The following SLC14A2 variants were observed in gnomAD, a reference collection of about 807,000 sequenced individuals.
SLC14A2 encodes the protein urea transporter 2.
In SLC14A2, 91 loss-of-function variants were observed where a neutral mutation model predicts 104.6. The ratio of observed to expected loss-of-function variants is 0.87; its 90% CI spans 0.73 to 1.04. The LOEUF (loss-of-function observed/expected upper bound fraction) is 1.04, where lower values mean the gene tolerates loss of function less well. Among genes scored for constraint, SLC14A2 ranks in the 50% least tolerant of loss-of-function variants. SLC14A2 has a pLI of 0.00. For synonymous variants in SLC14A2, 476 were observed against 466.4 expected (o/e 1.02, Z -0.27); for missense variants, 1,189 against 1,156.0 (o/e 1.03, Z -0.41).
At chr18:45,443,039 G>A (rs992590602) in intron 1 of SLC14A2, among the ~76,000 whole-genome samples, 15 of 152,178 alleles carry the variant, frequency 9.9e-5, no homozygotes, top group Admixed American at 7.9e-4. Flanking sequence ...ATTTGGGAAA[G>A]TCTCCTTGCT....
intron 2 of SLC14A2, among the ~76,000 whole-genome samples, chr18:45,591,083 T>G (rs1175807809): frequency 6.6e-6 from 1 of 152,046 alleles, no homozygotes; most frequent in Non-Finnish European, 1.5e-5. Context: ...ATACCACATG[T>G]CAGTCACTGA....
At chr18:45,537,429 T>C (rs2043810769) in intron 2 of SLC14A2, among the ~76,000 whole-genome samples, 1 of 151,920 alleles carries the variant, frequency 6.6e-6, no homozygotes, top group African/African-American at 2.4e-5. Context: ...GCCATGCAGG[T>C]AACTGGGGAG....
At chr18:45,184,624 C>T in the SLC14A2 span, among the ~76,000 whole-genome samples, 1 of 151,940 alleles carries the variant, frequency 6.6e-6, no homozygotes, top group African/African-American at 2.4e-5. Context: ...CTTAATCCTG[C>T]AATAGAAAAC....
At chr18:45,417,592 G>A (rs1005835311) in intron 1 of SLC14A2, among the ~76,000 whole-genome samples, 1 of 152,130 alleles carries the variant, frequency 6.6e-6, no homozygotes, top group African/African-American at 2.4e-5. Flanking sequence ...TAGCAGCATG[G>A]GGGGAACCGC....
chr18:45,495,050 A>G (rs2043069928), intron 2 of SLC14A2, among the ~76,000 whole-genome samples: 1 of 152,082 alleles, frequency 6.6e-6, no homozygotes, highest in South Asian at 2.1e-4. Context: ...CCAGCTTCAT[A>G]TTTCCTCACT....
intron 2 of SLC14A2, among the ~76,000 whole-genome samples, chr18:45,499,229 C>T (rs918741711): frequency 1.3e-5 from 2 of 152,180 alleles, no homozygotes; most frequent in Non-Finnish European, 2.9e-5. Context: ...TTTATTGATA[C>T]ATATTCACAT....
At chr18:45,661,833 C>T (rs550619087) in intron 10 of SLC14A2, among the ~76,000 whole-genome samples, 23 of 152,272 alleles carry the variant, frequency 1.5e-4, no homozygotes, top group African/African-American at 5.1e-4. Flanking sequence ...CCTGCACAGA[C>T]GTCCCAGGAC....
chr18:45,531,502 TGAGA>T (rs932904636), intron 2 of SLC14A2, among the ~76,000 whole-genome samples: 70 of 152,368 alleles, frequency 4.6e-4, no homozygotes, highest in African/African-American at 1.6e-3. Flanking sequence ...TGTCTTCTTT[TGAGA>T]AGGGTCTGTT....
intron 1 of SLC14A2, among the ~76,000 whole-genome samples, chr18:45,361,490 C>A (rs1386132158): frequency 6.6e-6 from 1 of 152,160 alleles, no homozygotes; most frequent in Non-Finnish European, 1.5e-5. Context: ...AGGAAAAGGG[C>A]ACCTCTACAA....
chr18:45,425,448 C>T (rs138553035), intron 1 of SLC14A2, among the ~76,000 whole-genome samples: 5 of 152,328 alleles, frequency 3.3e-5, no homozygotes, highest in Non-Finnish European at 4.4e-5. Flanking sequence ...CATGATTCTG[C>T]ATGCTCCTCC....
intron 1 of SLC14A2, among the ~76,000 whole-genome samples, chr18:45,235,171 C>G (rs1206154667): frequency 2.0e-5 from 3 of 152,096 alleles, no homozygotes; most frequent in East Asian, 3.9e-4. Context: ...AGTATGCTTA[C>G]CTGGAAAAGA....
At chr18:45,545,323 G>A (rs2043953647) in intron 2 of SLC14A2, among the ~76,000 whole-genome samples, 1 of 152,210 alleles carries the variant, frequency 6.6e-6, no homozygotes, top group African/African-American at 2.4e-5. Context: ...GAAGCTGCTG[G>A]TGCTGTCTTT....
intron 1 of SLC14A2, chr18:45,423,825 G>A (rs560212340): frequency 6.6e-6 from 1 of 152,178 alleles, no homozygotes; most frequent in Non-Finnish European, 1.5e-5. Flanking sequence ...CTGGTAATTG[G>A]TGTGTCCTCA....
At position 45,639,887 on chromosome 18, in the gene SLC14A2, C is replaced by T. The variant is rs766307520; in HGVS notation, c.985C>T (p.Leu329=). 1.5e-5 allele frequency: 24 copies of T among 1,613,082 alleles called. No individual in the cohort carries two copies. Among genetic ancestry groups the T allele is most frequent in the East Asian group, 2.2e-5 (1 of 44,856 alleles). Residue 329 remains leucine, a synonymous_variant, in exon 7 of 20, where the codon CTA becomes TTA. Transcript: ENST00000255226. ...AGCCATTGGCTCAATCGTGGGGCTG[C>T]TAGCAGGTAGGACAGAGCTCCCTCT... ...HAAIGSIVGL[L]AALSVATPFE...
rs530876409 is a variant in SLC14A2, at chr18:45,619,944, A to G, written c.-35+4362A>G. On this transcript the variant is annotated intron_variant, in intron 1 of 19. Transcript: ENST00000255226. ...GAGAAGCCTACGTTGCCCTTCGGAG[A>G]CATGGAGGCCCACGCGGCCCCGAGT... Among the ~76,000 whole-genome samples the G allele has an allele frequency of 5.9e-5, 9 of 152,268 alleles. No individual in the cohort carries two copies. The South Asian group carries it at 1.7e-3, about 28-fold the overall frequency.
At chr18:45,476,213 G>A (rs1426402044) in intron 1 of SLC14A2, among the ~76,000 whole-genome samples, 2 of 152,092 alleles carry the variant, frequency 1.3e-5, no homozygotes, top group East Asian at 1.9e-4. Flanking sequence ...TGTCTGTAAA[G>A]GATTTTATTT....
At chr18:45,246,949 C>A (rs1205963224) in intron 1 of SLC14A2, among the ~76,000 whole-genome samples, 1 of 152,168 alleles carries the variant, frequency 6.6e-6, no homozygotes, top group East Asian at 1.9e-4. Context: ...CTTGTTCAGA[C>A]CATCCAGTTT....
chr18:45,416,495 G>A (rs969468701), intron 1 of SLC14A2, among the ~76,000 whole-genome samples: 1 of 152,038 alleles, frequency 6.6e-6, no homozygotes, highest in African/African-American at 2.4e-5. Context: ...AATCATCCTC[G>A]GAATCTGAAA....
intron 1 of SLC14A2, among the ~76,000 whole-genome samples, chr18:45,384,069 A>T (rs1018091103): frequency 6.6e-6 from 1 of 152,176 alleles, no homozygotes; most frequent in African/African-American, 2.4e-5. Context: ...TTGCTTTTAG[A>T]TGCAAGACAT....
Sources: allele counts gnomAD v4.1 joint callset (sites outside exome capture counted in the v4.1 genomes callset), GRCh38; gene constraint gnomAD v4.1.1; transcripts MANE v1.5; gene names NCBI Gene and HGNC (gene_info 2026-07-23, HGNC 2026-07-21).